Variants in GRID2 observed in about 807,000 individuals in gnomAD.
GRID2 encodes the protein glutamate ionotropic receptor delta type subunit 2, also known as glutamate receptor ionotropic, delta-2.
A neutral mutation model predicts 114.8 loss-of-function variants in GRID2; 33 were observed. The observed-to-expected ratio is 0.29, with a 90% confidence interval of 0.22 to 0.38. The LOEUF (loss-of-function observed/expected upper bound fraction) is 0.38. Among genes scored for constraint, GRID2 ranks in the 10% least tolerant of loss-of-function variants. GRID2 has a pLI of 1.00. For missense variants in GRID2, 1,184 were observed against 1,257.7 expected (o/e 0.94, Z 0.89); for synonymous variants, 505 against 449.9 (o/e 1.12, Z -1.55).
chr4:92,400,168 C>G (rs1201475718), intron 1 of GRID2, among the ~76,000 whole-genome samples: 1 of 152,066 alleles, frequency 6.6e-6, no homozygotes, highest in Non-Finnish European at 1.5e-5. Flanking sequence ...TTAGTATATT[C>G]ACAAAATTGT....
intron 1 of GRID2, among the ~76,000 whole-genome samples, chr4:92,372,836 G>A (rs1202478155): frequency 6.6e-6 from 1 of 152,070 alleles, no homozygotes. Flanking sequence ...AATTGACTCT[G>A]ATGCTGTATA....
chr4:93,144,595 T>G (rs1349453528), intron 4 of GRID2, among the ~76,000 whole-genome samples: 1 of 152,102 alleles, frequency 6.6e-6, no homozygotes, highest in Non-Finnish European at 1.5e-5. Context: ...AATTAGCCCT[T>G]GAAATCTAAG....
chr4:92,734,390 T>G (rs759722309), intron 2 of GRID2, among the ~76,000 whole-genome samples: 1 of 152,060 alleles, frequency 6.6e-6, no homozygotes, highest in Non-Finnish European at 1.5e-5. Flanking sequence ...CAAGTGATCC[T>G]TCCACCTCAG....
chr4:93,499,494 G>C (rs1727889091), intron 12 of GRID2, among the ~76,000 whole-genome samples: 1 of 151,762 alleles, frequency 6.6e-6, no homozygotes, highest in Non-Finnish European at 1.5e-5. Context: ...ACTTTTTCAT[G>C]CTACAGTCAA....
chr4:93,704,275 T>C (rs1727790807), intron 14 of GRID2, among the ~76,000 whole-genome samples: 1 of 152,222 alleles, frequency 6.6e-6, no homozygotes. Flanking sequence ...CATGTGTCTT[T>C]TGGCTGCATA....
At chr4:93,426,146 A>G (rs973624005) in intron 10 of GRID2, among the ~76,000 whole-genome samples, 4 of 152,176 alleles carry the variant, frequency 2.6e-5, no homozygotes, top group Non-Finnish European at 5.9e-5. Context: ...AGCTATTTCT[A>G]TATTCTATAA....
chr4:93,505,310 A>G (rs1029702304), intron 12 of GRID2, among the ~76,000 whole-genome samples: 1 of 152,070 alleles, frequency 6.6e-6, no homozygotes, highest in Non-Finnish European at 1.5e-5. Flanking sequence ...AAAATCCCCT[A>G]TTTCACTACT....
At position 92,924,980 on chromosome 4, in the gene GRID2, A is replaced by T. The variant is rs191081682; in HGVS notation, c.245-160015A>T. Among the ~76,000 whole-genome samples the T allele has an allele frequency of 6.7e-4, 102 of 152,206 alleles. 1 individual carries two copies. Among genetic ancestry groups the T allele is most frequent in the African/African-American group, 2.3e-3 (97 of 41,546 alleles). ...TTACCTGAGATCCATCACTTAAAACAGCCTTTCCCCAAAGGTAAGCAGCCC... is the reference window on the plus strand; with the variant it reads ...TTACCTGAGATCCATCACTTAAAACTGCCTTTCCCCAAAGGTAAGCAGCCC... On this transcript the variant is annotated intron_variant, in intron 2 of 15. Transcript: ENST00000282020.
Position 92,976,218 on chromosome 4 carries a change from T to G in GRID2, c.245-108777T>G, listed in dbSNP as rs866397713. Among the ~76,000 whole-genome samples, 16 of 152,262 alleles carry G rather than the reference T, an allele frequency of 1.1e-4. No individual in the cohort carries two copies. In the Middle Eastern group the frequency reaches 0.01, roughly 97 times the overall value. ...AATAAAAATTAACTGATAGCTAATC[T>G]TGTTATAGTAATAAACAATGGACAT... On this transcript the variant is annotated intron_variant, in intron 2 of 15. Coordinates refer to ENST00000282020, the MANE Select transcript of GRID2 (RefSeq NM_001510.4).
intron 4 of GRID2, among the ~76,000 whole-genome samples, chr4:93,149,353 C>T (rs1736537155): frequency 6.6e-6 from 1 of 151,942 alleles, no homozygotes; most frequent in African/African-American, 2.4e-5. Flanking sequence ...GCAGGTGGGT[C>T]ACTTGAGATC....
At chr4:92,642,628 G>T (rs1731413118) in intron 2 of GRID2, among the ~76,000 whole-genome samples, 2 of 150,926 alleles carry the variant, frequency 1.3e-5, no homozygotes, top group South Asian at 4.2e-4. Flanking sequence ...TGTTTTTGTT[G>T]TTTTTTTTAA....
Position 93,236,496 on chromosome 4 carries a change from G to A in GRID2, c.1126-1875G>A, listed in dbSNP as rs142993506. ...AAAGCTTCAGGACATTTTCTGAGGA[G>A]CCACAAACCATTAATCCATAGATCC... On this transcript the variant is annotated intron_variant, in intron 7 of 15. Coordinates refer to ENST00000282020, the MANE Select transcript of GRID2 (RefSeq NM_001510.4). 1.2e-4 allele frequency among the ~76,000 whole-genome samples: 19 copies of A among 152,066 alleles called. No individual in the cohort carries two copies. In the East Asian group the frequency reaches 3.5e-3, roughly 28 times the overall value.
At chr4:93,652,594 G>GTT (rs1401478405) in intron 14 of GRID2, among the ~76,000 whole-genome samples, 1 of 151,688 alleles carries the variant, frequency 6.6e-6, no homozygotes, top group Non-Finnish European at 1.5e-5. Context: ...GTCTAGGTTT[G>GTT]TGTAACTACA....
intron 1 of GRID2, among the ~76,000 whole-genome samples, chr4:92,566,708 G>A (rs1727353014): frequency 1.3e-5 from 2 of 151,952 alleles, no homozygotes; most frequent in Admixed American, 6.6e-5. Context: ...CACACTAAAA[G>A]CAAATAATTG....
intron 1 of GRID2, among the ~76,000 whole-genome samples, chr4:92,556,099 G>T (rs1160897573): frequency 6.6e-6 from 1 of 152,094 alleles, no homozygotes; most frequent in East Asian, 1.9e-4. Context: ...CTCAGTTGTG[G>T]ACAACCTGTG....
intron 2 of GRID2, among the ~76,000 whole-genome samples, chr4:93,002,226 T>C (rs959326245): frequency 2.0e-5 from 3 of 151,820 alleles, no homozygotes; most frequent in African/African-American, 7.2e-5. Flanking sequence ...ATGTGAAAAA[T>C]GACACCTCAT....
At chr4:92,819,220 T>C (rs1408341873) in intron 2 of GRID2, among the ~76,000 whole-genome samples, 1 of 152,152 alleles carries the variant, frequency 6.6e-6, no homozygotes, top group African/African-American at 2.4e-5. Context: ...CAGTGCTGTT[T>C]ATACATCACA....
chr4:93,217,933 T>C (rs1053324016), intron 6 of GRID2, among the ~76,000 whole-genome samples: 1 of 152,060 alleles, frequency 6.6e-6, no homozygotes, highest in Non-Finnish European at 1.5e-5. Context: ...ATTTTAGTAC[T>C]TAGAGATTTT....
At chr4:92,544,176 C>T (rs1726124003) in intron 1 of GRID2, among the ~76,000 whole-genome samples, 1 of 152,096 alleles carries the variant, frequency 6.6e-6, no homozygotes, top group African/African-American at 2.4e-5. Flanking sequence ...CTGTAATTAT[C>T]TGAGCTGAGA....
Sources: gnomAD v4.1 joint callset for allele counts (sites outside exome capture counted in the v4.1 genomes callset) on GRCh38, gnomAD v4.1.1 for gene constraint, MANE v1.5 for transcripts, NCBI Gene and HGNC (gene_info 2026-07-23, HGNC 2026-07-21) for gene names.